CSMD1: variants seen among roughly 807,000 people sequenced by gnomAD.
CSMD1 encodes CUB and sushi domain-containing protein 1.
In CSMD1, 213 loss-of-function variants were observed where a neutral mutation model predicts 417.5. The ratio of observed to expected loss-of-function variants is 0.51; its 90% CI spans 0.46 to 0.57. The LOEUF (loss-of-function observed/expected upper bound fraction) is 0.57, where lower values mean the gene tolerates loss of function less well. Among genes scored for constraint, CSMD1 ranks in the 20% least tolerant of loss-of-function variants. The probability of loss-of-function intolerance (pLI) is 0.00; values close to 1 mark genes in which losing one functional copy is unlikely to be tolerated. For synonymous variants in CSMD1, 2,862 were observed against 1,736.8 expected (o/e 1.65, Z -16.11); for missense variants, 6,923 against 4,529.7 (o/e 1.53, Z -15.17).
In CSMD1 at chr8:3,183,117, G is replaced by A. The variant is rs544164424; in HGVS notation, c.5621-1903C>T. Reference sequence around the variant, plus strand: ...CTAAACGCCTAATCTATCTATCCCTGAAACATCGAGTAGGTCTCTAACGCC... The same window carrying A: ...CTAAACGCCTAATCTATCTATCCCTAAAACATCGAGTAGGTCTCTAACGCC... On this transcript the variant is annotated intron_variant, in intron 36 of 69. Coordinates refer to ENST00000635120, the MANE Select transcript of CSMD1 (RefSeq NM_033225.6). 1.2e-4 allele frequency: 18 copies of A among 150,266 alleles called. No homozygotes were observed. The East Asian group carries it at 3.3e-3, about 28-fold the overall frequency. 9.3% of individuals were successfully genotyped at this position (150,266 alleles called of 1,614,324 possible).
intron 5 of CSMD1, among the ~76,000 whole-genome samples, chr8:3,837,830 C>T (rs530783999): frequency 1.3e-5 from 2 of 152,134 alleles, no homozygotes; most frequent in Admixed American, 6.6e-5. Context: ...TCTCTATAGT[C>T]GCAGGAAATT....
intron 68 of CSMD1, among the ~76,000 whole-genome samples, chr8:2,946,971 A>C (rs968454614): frequency 1.3e-5 from 2 of 152,180 alleles, no homozygotes; most frequent in African/African-American, 4.8e-5. Context: ...TTCCCTGATA[A>C]TGATTATAAT....
At chr8:3,539,564 G>T (rs1318921779) in intron 10 of CSMD1, among the ~76,000 whole-genome samples, 1 of 152,082 alleles carries the variant, frequency 6.6e-6, no homozygotes, top group South Asian at 2.1e-4. Context: ...GCGTGATTCA[G>T]AAGTTGTAAC....
At chr8:4,751,496 G>A (rs1272015323) in intron 1 of CSMD1, among the ~76,000 whole-genome samples, 1 of 152,064 alleles carries the variant, frequency 6.6e-6, no homozygotes, top group Non-Finnish European at 1.5e-5. Context: ...GGATTTTGTG[G>A]AATCATGAGC....
At chr8:4,294,536 A>G (rs1797558456) in intron 3 of CSMD1, among the ~76,000 whole-genome samples, 1 of 152,184 alleles carries the variant, frequency 6.6e-6, no homozygotes, top group African/African-American at 2.4e-5. Flanking sequence ...CAGATGAGCA[A>G]ACACAAATCA....
At chr8:4,587,808 T>C (rs1289727185) in intron 2 of CSMD1, among the ~76,000 whole-genome samples, 2 of 152,212 alleles carry the variant, frequency 1.3e-5, no homozygotes, top group Non-Finnish European at 2.9e-5. Context: ...GGTACCATTT[T>C]GTTAAAACAT....
intron 4 of CSMD1, among the ~76,000 whole-genome samples, chr8:4,002,130 C>T (rs777521511): frequency 2.0e-5 from 3 of 152,064 alleles, no homozygotes; most frequent in Admixed American, 6.6e-5. Flanking sequence ...CTTCATGGTA[C>T]TCATGGGATA....
At chr8:4,020,217 A>C (rs1037007771) in intron 4 of CSMD1, among the ~76,000 whole-genome samples, 7 of 152,220 alleles carry the variant, frequency 4.6e-5, no homozygotes, top group African/African-American at 1.4e-4. Flanking sequence ...GAGGCCAGAC[A>C]GATTAAATAA....
chr8:2,989,911 G>T (rs1169451567), intron 54 of CSMD1, among the ~76,000 whole-genome samples: 2 of 152,174 alleles, frequency 1.3e-5, no homozygotes, highest in African/African-American at 2.4e-5. Context: ...TCTACTTAAA[G>T]ACACGAATAA....
intron 41 of CSMD1, chr8:3,127,395 T>A (rs1267616397): frequency 2.0e-5 from 3 of 152,204 alleles, no homozygotes; most frequent in African/African-American, 4.8e-5. Context: ...TAGAAGCATA[T>A]CAACTTTATG....
intron 3 of CSMD1, among the ~76,000 whole-genome samples, chr8:4,413,917 A>G (rs551795155): frequency 6.6e-6 from 1 of 152,332 alleles, no homozygotes; most frequent in East Asian, 1.9e-4. Context: ...AGCCCAGAGG[A>G]AAGTAATTAT....
At chr8:4,402,161 A>G (rs1804688844) in intron 3 of CSMD1, among the ~76,000 whole-genome samples, 1 of 152,052 alleles carries the variant, frequency 6.6e-6, no homozygotes, top group South Asian at 2.1e-4. Context: ...ACCAGCCCTA[A>G]TACCAACCAC....
intron 3 of CSMD1, among the ~76,000 whole-genome samples, chr8:4,282,806 C>G (rs934310076): frequency 2.0e-5 from 3 of 151,998 alleles, no homozygotes; most frequent in Non-Finnish European, 4.4e-5. Context: ...ATAATGGAGT[C>G]GGGTATATAT....
At chr8:3,454,918 G>A (rs960936313) in intron 12 of CSMD1, among the ~76,000 whole-genome samples, 1 of 152,118 alleles carries the variant, frequency 6.6e-6, no homozygotes, top group Admixed American at 6.6e-5. Flanking sequence ...TTCCAACTTG[G>A]TTCCATTCTC....
chr8:4,238,930 T>G (rs543232595), intron 3 of CSMD1, among the ~76,000 whole-genome samples: 1 of 152,236 alleles, frequency 6.6e-6, no homozygotes, highest in African/African-American at 2.4e-5. Flanking sequence ...GTTCTACATA[T>G]GATTTTCTAC....
chr8:3,511,434 C>T (rs1797062711), intron 10 of CSMD1, among the ~76,000 whole-genome samples: 1 of 151,628 alleles, frequency 6.6e-6, no homozygotes, highest in Non-Finnish European at 1.5e-5. Flanking sequence ...CTGTACCTAT[C>T]CTCCAAAAGA....
At chr8:3,692,545 C>A (rs1180136896) in intron 7 of CSMD1, among the ~76,000 whole-genome samples, 2 of 152,212 alleles carry the variant, frequency 1.3e-5, no homozygotes, top group East Asian at 3.9e-4. Flanking sequence ...GTGTTCTCTC[C>A]TGCCTCAGCC....
At chr8:4,785,822 A>C (rs947265136) in intron 1 of CSMD1, among the ~76,000 whole-genome samples, 2 of 152,160 alleles carry the variant, frequency 1.3e-5, no homozygotes, top group African/African-American at 2.4e-5. Context: ...TAAATGGTGA[A>C]ACTGTCACTT....
chr8:3,346,569 C>A (rs941455688), intron 22 of CSMD1, among the ~76,000 whole-genome samples: 3 of 152,302 alleles, frequency 2.0e-5, no homozygotes, highest in Middle Eastern at 3.4e-3. Flanking sequence ...AACCACTCTA[C>A]TAAATTATGA....
Sources: gnomAD v4.1 joint callset for allele counts (sites outside exome capture counted in the v4.1 genomes callset) on GRCh38, gnomAD v4.1.1 for gene constraint, MANE v1.5 for transcripts, NCBI Gene and HGNC (gene_info 2026-07-23, HGNC 2026-07-21) for gene names.